The following TMEFF1 variants were observed in gnomAD, a reference collection of about 807,000 sequenced individuals.
TMEFF1 encodes the protein tomoregulin-1.
TMEFF1 carries 20 observed loss-of-function variants against 47.5 expected under a neutral mutation model. The observed-to-expected ratio is 0.42, with a 90% CI of 0.30 to 0.61. TMEFF1 has a LOEUF of 0.61. Among genes scored for constraint, TMEFF1 ranks in the 20% least tolerant of loss-of-function variants. The pLI, the probability that TMEFF1 is intolerant of heterozygous loss-of-function variation, is 0.19. For missense variants in TMEFF1, 411 were observed against 471.1 expected (o/e 0.87, Z 1.18); for synonymous variants, 162 against 166.3 (o/e 0.97, Z 0.20).
chr9:100,561,318 C>T, intron 7 of TMEFF1, 79 bp from the exon 8 acceptor site: 1 of 1,545,846 alleles, frequency 6.5e-7, no homozygotes, highest in Non-Finnish European at 8.7e-7. Context: ...AATTCATTTG[C>T]TGTTTCAGAA....
chr9:100,500,314 GA>G (rs1257109308), intron 2 of TMEFF1, among the ~76,000 whole-genome samples: 1 of 152,030 alleles, frequency 6.6e-6, no homozygotes, highest in East Asian at 1.9e-4. Context: ...CTCAGTTTAA[GA>G]AATATTTTGT....
chr9:100,546,303 C>T (rs1247256014), intron 5 of TMEFF1, among the ~76,000 whole-genome samples: 2 of 152,146 alleles, frequency 1.3e-5, no homozygotes, highest in Non-Finnish European at 2.9e-5. Context: ...TCACATCTTA[C>T]GTGGATGGCA....
chr9:100,526,439 T>C (rs537984715), intron 5 of TMEFF1, among the ~76,000 whole-genome samples: 4 of 152,284 alleles, frequency 2.6e-5, no homozygotes, highest in South Asian at 2.1e-4. Context: ...TATCTTTTTT[T>C]CCCCTGTTTT....
intron 8 of TMEFF1, among the ~76,000 whole-genome samples, chr9:100,566,260 A>C (rs1215302167): frequency 6.6e-6 from 1 of 152,158 alleles, no homozygotes; most frequent in African/African-American, 2.4e-5. Flanking sequence ...ACTTCCCATG[A>C]CATATGCTAA....
rs1172344705 is a variant in TMEFF1 at position 100,509,093 on chromosome 9, A to G, written c.395A>G (p.Gln132Arg). Residue 132 changes from glutamine (Q) to arginine (R), a missense_variant, in exon 3 of 10, where the codon CAG becomes CGG. Transcript: ENST00000374879. ...CFLRRAACKH[Q>R]KEITVIARGP... is the part of the protein sequence containing the mutation. ...CTCAGAAGGGCTGCTTGTAAGCACC[A>G]GAAAGAGATAACAGTAATAGCAAGA... 6.3e-7 allele frequency: 1 copy of G among 1,599,384 alleles called. No homozygotes were observed. Among genetic ancestry groups the G allele is most frequent in the Non-Finnish European group, 8.5e-7 (1 of 1,174,140 alleles).
chr9:100,518,034 T>G (rs2118393748), intron 5 of TMEFF1, among the ~76,000 whole-genome samples: 1 of 152,342 alleles, frequency 6.6e-6, no homozygotes, highest in East Asian at 1.9e-4. Flanking sequence ...TTTTTATTCC[T>G]TTCGCGGTGC....
At chr9:100,490,836 G>GGTTGTGTGTGTGTGTGTGT (rs1554682717) in intron 1 of TMEFF1, among the ~76,000 whole-genome samples, 6 of 136,088 alleles carry the variant, frequency 4.4e-5, no homozygotes, top group African/African-American at 1.7e-4. Flanking sequence ...TTATATGTAT[G>GGTTGTGTGTGTGTGTGTGT]GTGTGTGTGT....
Position 100,572,660 on chromosome 9 carries a change from G to A in TMEFF1, c.1042G>A (p.Val348Ile). The A allele has an allele frequency of 6.2e-7, 1 of 1,610,018 alleles. No homozygotes were observed. The highest frequency in any genetic ancestry group is 8.5e-7 in the Non-Finnish European group (1 of 1,178,752). ...AVQIAIIVAIVMCITRKCPKN... is the reference protein window; with the variant it reads ...AVQIAIIVAIIMCITRKCPKN... ...ACAGATTGCCATCATAGTAGCAATT[G>A]TAATGTGCATAACAAGGTAGGTAAT... Residue 348 changes from valine (V) to isoleucine (I), a missense_variant, in exon 9 of 10, where the codon GTA becomes ATA. By Grantham distance (29) the Val-to-Ile change is conservative. Coordinates refer to ENST00000374879, the MANE Select transcript of TMEFF1 (RefSeq NM_003692.5).
At chr9:100,500,439 T>C (rs1333821870) in intron 2 of TMEFF1, among the ~76,000 whole-genome samples, 3 of 152,192 alleles carry the variant, frequency 2.0e-5, no homozygotes, top group Non-Finnish European at 2.9e-5. Context: ...TTCATTTTTT[T>C]CCCAAATTTT....
At chr9:100,522,773 C>T (rs1372865424) in intron 5 of TMEFF1, among the ~76,000 whole-genome samples, 1 of 152,082 alleles carries the variant, frequency 6.6e-6, no homozygotes, top group Non-Finnish European at 1.5e-5. Context: ...CTTGCTCTGT[C>T]GCCCAGGCTG....
In TMEFF1 at chr9:100,473,496, C is replaced by T. The variant is rs1837158269; in HGVS notation, c.-49C>T. ...GGGGCTCTGGGCGCGCGGCTGGATG[C>T]CCCCGGCCTGCGGCTCCCTGCGCTT... On this transcript the variant is annotated 5_prime_UTR_variant, in exon 1 of 10. Coordinates refer to ENST00000374879, the MANE Select transcript of TMEFF1 (RefSeq NM_003692.5). The surrounding 1 kb of genome is among the most constrained non-coding windows in gnomAD (Gnocchi z 5.4). The T allele has an allele frequency of 3.0e-6, 4 of 1,318,612 alleles. No homozygotes were observed. Among genetic ancestry groups the T allele is most frequent in the African/African-American group, 1.6e-5 (1 of 64,104 alleles). The allele number at this position is 1,318,612 out of a possible 1,614,324, so 81.7% of individuals were successfully genotyped here.
chr9:100,498,918 ATTTTATAATTC>A, intron 2 of TMEFF1, 44 bp downstream of exon 2: 1 of 1,578,848 alleles, frequency 6.3e-7, no homozygotes, highest in Non-Finnish European at 8.6e-7. Flanking sequence ...TATTCTTCGT[ATTTTATAATTC>A]TAAATTCTTC....
At chr9:100,540,192 G>A (rs982470792) in intron 5 of TMEFF1, among the ~76,000 whole-genome samples, 4 of 151,040 alleles carry the variant, frequency 2.6e-5, no homozygotes, top group African/African-American at 9.8e-5. Flanking sequence ...GTCCCCACCC[G>A]ATCTTTAGGT....
intron 5 of TMEFF1, among the ~76,000 whole-genome samples, chr9:100,523,690 A>G (rs762236461): frequency 2.0e-4 from 30 of 152,206 alleles, no homozygotes; most frequent in Non-Finnish European, 2.5e-4. Flanking sequence ...TAAACTTACT[A>G]TATTGAGAAG....
intron 4 of TMEFF1, among the ~76,000 whole-genome samples, chr9:100,516,010 G>A (rs1320271924): frequency 6.6e-6 from 1 of 152,046 alleles, no homozygotes; most frequent in Non-Finnish European, 1.5e-5. Flanking sequence ...TGAGTTTGGG[G>A]CTGGAGGTAT....
At chr9:100,545,005 G>T (rs1430611491) in intron 5 of TMEFF1, among the ~76,000 whole-genome samples, 1 of 152,224 alleles carries the variant, frequency 6.6e-6, no homozygotes, top group Non-Finnish European at 1.5e-5. Context: ...GGTACAGGTG[G>T]CTCTGCAGGG....
At chr9:100,535,641 T>G (rs1345287248) in intron 5 of TMEFF1, among the ~76,000 whole-genome samples, 1 of 152,234 alleles carries the variant, frequency 6.6e-6, no homozygotes, top group Non-Finnish European at 1.5e-5. Context: ...CATGATGGCA[T>G]GTGCCTGTAA....
chr9:100,542,446 T>G (rs958956639), intron 5 of TMEFF1, among the ~76,000 whole-genome samples: 7 of 152,246 alleles, frequency 4.6e-5, no homozygotes, highest in African/African-American at 1.7e-4. Flanking sequence ...GAATTTCCTT[T>G]ACTGACAGTC....
intron 5 of TMEFF1, among the ~76,000 whole-genome samples, chr9:100,524,162 A>T (rs910957395): frequency 2.6e-5 from 4 of 151,926 alleles, no homozygotes; most frequent in Non-Finnish European, 5.9e-5. Flanking sequence ...AAAAAAAAAA[A>T]CTAATGGCAT....
Sources: gnomAD v4.1 joint callset for allele counts (sites outside exome capture counted in the v4.1 genomes callset) on GRCh38, gnomAD v4.1.1 for gene constraint, Gnocchi (gnomAD v3.1) non-coding constraint, MANE v1.5 for transcripts, NCBI Gene and HGNC (gene_info 2026-07-23, HGNC 2026-07-21) for gene names.